GALC: variants seen among roughly 807,000 people sequenced by gnomAD.
GALC encodes the protein galactocerebrosidase.
GALC carries 77 observed loss-of-function variants against 91.8 expected under a neutral mutation model. The observed-to-expected ratio is 0.84, with a 90% confidence interval of 0.70 to 1.01. GALC has a LOEUF of 1.01. Ranked by LOEUF, GALC falls within the 50% of genes least tolerant of loss-of-function variation. The pLI is 0.00. For synonymous variants in GALC, 357 were observed against 306.7 expected, an observed-to-expected ratio of 1.16 and a Z score of -1.71; for missense variants, 882 against 855.9, an observed-to-expected ratio of 1.03 and a Z score of -0.38.
chr14:87,993,105 G>T lies in GALC; in HGVS notation c.60C>A (p.Ala20=). Residue 20 remains alanine (A), a synonymous_variant, in exon 1 of 17, where the codon GCC becomes GCA. Transcript: ENST00000261304. ...WQRRAKAMTA[A]AGSAGRAAVP... ...CCGCGGCGCGGCCCGCCGAACCCGC[G>T]GCCGCAGTCATAGCTTTCGCTCGGC... The T allele has an allele frequency of 6.3e-7, 1 of 1,588,070 alleles. No individual in the cohort carries two copies. The highest frequency in any genetic ancestry group is 8.6e-7 in the Non-Finnish European group (1 of 1,167,998).
intron 10 of GALC, chr14:87,954,099 T>C: frequency 6.2e-7 from 1 of 1,609,640 alleles, no homozygotes. Flanking sequence ...TGGGAGTTAT[T>C]CATCTATTCA....
chr14:87,951,093 T>A (rs1403654706), intron 10 of GALC, among the ~76,000 whole-genome samples: 1 of 151,716 alleles, frequency 6.6e-6, no homozygotes, highest in Non-Finnish European at 1.5e-5. Flanking sequence ...ATGTTTTCAC[T>A]GAAAAGACAT....
intron 10 of GALC, chr14:87,953,799 T>A: frequency 6.2e-7 from 1 of 1,606,622 alleles, no homozygotes; most frequent in South Asian, 1.1e-5. Flanking sequence ...AAACTGTGAT[T>A]CTAAAAGCCA....
chr14:87,991,021 C>T (rs977496551), intron 1 of GALC, among the ~76,000 whole-genome samples: 6 of 152,092 alleles, frequency 3.9e-5, no homozygotes, highest in Non-Finnish European at 7.4e-5. Context: ...ATCCTCACGG[C>T]GCTCCTACCA....
In GALC at chr14:87,949,889, T is replaced by C; in HGVS notation, c.1294A>G (p.Lys432Glu). Residue 432 changes from lysine to glutamate, a missense_variant, in exon 12 of 17, where the codon AAA (lysine) becomes GAA (glutamate). By Grantham distance (56) the Lys-to-Glu change is moderately conservative. Transcript: ENST00000261304. Reference protein sequence around the residue: ...ELQVWYTKLGKTSERFLFKQL... With the variant: ...ELQVWYTKLGETSERFLFKQL... The stretch of plus-strand genomic sequence containing the variant: ...TTAAAAAGAAATCTTTCGGATGTTT[T>C]TCCAAGTTTGGTATACCATACCTGT... The C allele has an allele frequency of 6.2e-7, 1 of 1,600,680 alleles. No homozygotes were observed. Among genetic ancestry groups the C allele is most frequent in the Non-Finnish European group, 8.6e-7 (1 of 1,168,490 alleles).
At position 87,941,556 on chromosome 14, in the gene GALC, G is replaced by T. The variant is rs912696793; in HGVS notation, c.1673C>A (p.Thr558Asn). Residue 558 changes from threonine (T) to asparagine (N), a missense_variant and splice_region_variant, in exon 15 of 17, where the codon ACC (threonine) becomes AAC (asparagine). Thr to Asn is a moderately conservative substitution (Grantham distance 65). Coordinates refer to ENST00000261304, the MANE Select transcript of GALC (RefSeq NM_000153.4). ...TACATCACACTTTATAGTCAGATTGGTCCTGCAAAATAAAACGGTTGATTA... is the reference window on the plus strand; with the variant it reads ...TACATCACACTTTATAGTCAGATTGTTCCTGCAAAATAAAACGGTTGATTA... ...TISIIGDYNWTNLTIKCDVYI... is the reference protein window; with the variant it reads ...TISIIGDYNWNNLTIKCDVYI... 1.3e-5 allele frequency: 20 copies of T among 1,568,428 alleles called. No individual in the cohort carries two copies. Among genetic ancestry groups the T allele is most frequent in the Non-Finnish European group, 1.7e-5 (19 of 1,139,010 alleles).
At chr14:87,987,884 G>A in intron 3 of GALC, 1 of 464,802 alleles carries the variant, frequency 2.2e-6, no homozygotes. Flanking sequence ...ATAGGTTTTA[G>A]AAAACTGTGG....
At chr14:87,972,600 T>C (rs1470830557) in intron 7 of GALC, among the ~76,000 whole-genome samples, 1 of 152,072 alleles carries the variant, frequency 6.6e-6, no homozygotes, top group African/African-American at 2.4e-5. Context: ...TTGTTAGCAA[T>C]ATAGGAAATT....
chr14:87,970,754 A>G (rs1050821304), intron 7 of GALC, among the ~76,000 whole-genome samples: 2 of 151,056 alleles, frequency 1.3e-5, no homozygotes, highest in African/African-American at 4.9e-5. Context: ...CTGTAGTCCC[A>G]GCTACTTGGG....
At chr14:87,976,778 C>G (rs573634654) in intron 6 of GALC, 1 of 359,666 alleles carries the variant, frequency 2.8e-6, no homozygotes, top group Admixed American at 3.9e-5. Flanking sequence ...CCACGCCTGG[C>G]TAATTTTTGT....
chr14:87,966,284 A>C (rs888723596), intron 8 of GALC, among the ~76,000 whole-genome samples: 4 of 152,168 alleles, frequency 2.6e-5, no homozygotes, highest in Admixed American at 6.6e-5. Flanking sequence ...AATTGGATCT[A>C]ATTGCTGATC....
Position 87,934,243 on chromosome 14 carries a change from G to T in GALC, c.*489C>A, listed in dbSNP as rs1884474973. 1 of 1,353,998 alleles carries T rather than the reference G, an allele frequency of 7.4e-7. No homozygotes were observed. The highest frequency in any genetic ancestry group is 1.7e-5 in the South Asian group (1 of 57,578). The allele number at this position is 1,353,998 out of a possible 1,614,324, so 83.9% of individuals were successfully genotyped here. A position where few individuals can be genotyped will look rare whatever the true frequency, so the allele number is the denominator to read the frequency against. On this transcript the variant is annotated 3_prime_UTR_variant, in exon 17 of 17. Coordinates refer to ENST00000261304, the MANE Select transcript of GALC (RefSeq NM_000153.4). The stretch of plus-strand genomic sequence containing the variant: ...TTTAGAGCATAAAGCATAACAGGTT[G>T]AAGTGGTTTTCAAAAAGCTACTTCT...
At chr14:87,991,179 C>T (rs1246741873) in intron 1 of GALC, among the ~76,000 whole-genome samples, 4 of 152,000 alleles carry the variant, frequency 2.6e-5, no homozygotes, top group African/African-American at 4.8e-5. Context: ...TGTTTTGTTT[C>T]GCTTTGGTTT....
intron 7 of GALC, among the ~76,000 whole-genome samples, chr14:87,975,749 C>CACAT (rs1460773267): frequency 6.6e-6 from 1 of 151,608 alleles, no homozygotes; most frequent in Admixed American, 6.6e-5. Flanking sequence ...AAATTCTACA[C>CACAT]ACATACATAC....
chr14:87,941,316 T>A (rs567016031), intron 15 of GALC, 79 bp downstream of exon 15: 2 of 919,290 alleles, frequency 2.2e-6, no homozygotes, highest in South Asian at 2.8e-5. Context: ...TTTTTATCAC[T>A]CCCACAAATA....
At chr14:87,988,625 C>T in intron 1 of GALC, 102 bp from the exon 2 acceptor site, 2 of 852,984 alleles carry the variant, frequency 2.3e-6, no homozygotes, top group Non-Finnish European at 4.0e-6. Context: ...TATTTAGCCT[C>T]AGGCAAGGTC....
At chr14:87,939,708 A>G (rs1333400416) in intron 16 of GALC, among the ~76,000 whole-genome samples, 197 bp downstream of exon 16, 2 of 151,902 alleles carry the variant, frequency 1.3e-5, no homozygotes, top group Non-Finnish European at 2.9e-5. Flanking sequence ...GATAAAGTCA[A>G]CTGCTGATGG....
chr14:87,979,433 C>A lies in GALC; in HGVS notation c.621+2772G>T, dbSNP rs144270454. Reference sequence around the variant, plus strand: ...TTTTGTATCCTGAGAGATTTTACTGCAAGAAAACTCAAGGTTCAAAAAAAA... The same window carrying A: ...TTTTGTATCCTGAGAGATTTTACTGAAAGAAAACTCAAGGTTCAAAAAAAA... On this transcript the variant is annotated intron_variant, in intron 6 of 16. Coordinates refer to ENST00000261304, the MANE Select transcript of GALC (RefSeq NM_000153.4). Among the ~76,000 whole-genome samples the A allele has an allele frequency of 1.9e-4, 29 of 152,138 alleles. 2 individuals are homozygous for A. The East Asian group carries it at 5.6e-3, about 29-fold the overall frequency.
Position 87,934,332 on chromosome 14 carries a change from CA to C in GALC, c.*399del, listed in dbSNP as rs1884479098. ...TGATGAAGACACTGGCTCACTTGGA[CA>C]CACGGTCAGCATGCATAAATACATC... On this transcript the variant is annotated 3_prime_UTR_variant, in exon 17 of 17. Transcript: ENST00000261304. 1 of 1,275,092 alleles carries C rather than the reference CA, an allele frequency of 7.8e-7. No homozygotes were observed. Among genetic ancestry groups the C allele is most frequent in the Admixed American group, 3.5e-5 (1 of 28,520 alleles). 79.0% of individuals were successfully genotyped at this position (1,275,092 alleles called of 1,614,324 possible).
Sources: gnomAD v4.1 joint callset for allele counts (sites outside exome capture counted in the v4.1 genomes callset) on GRCh38, gnomAD v4.1.1 for gene constraint, MANE v1.5 for transcripts, NCBI Gene and HGNC (gene_info 2026-07-23, HGNC 2026-07-21) for gene names.